The following CPS1 variants were observed in gnomAD, a reference collection of about 807,000 sequenced individuals.
CPS1 encodes the protein carbamoyl-phosphate synthase 1, also known as carbamoyl-phosphate synthase [ammonia], mitochondrial.
In CPS1, 109 loss-of-function variants were observed where a neutral mutation model predicts 174.6. The ratio of observed to expected loss-of-function variants is 0.62; its 90% confidence interval spans 0.53 to 0.73. The LOEUF is 0.73. Ranked by LOEUF, CPS1 falls within the 30% of genes least tolerant of loss-of-function variation. The probability of loss-of-function intolerance (pLI) is 0.00; values close to 1 mark genes in which losing one functional copy is unlikely to be tolerated. For synonymous variants in CPS1, 637 were observed against 632.0 expected (o/e 1.01, Z -0.12); for missense variants, 1,689 against 1,821.9 (o/e 0.93, Z 1.33).
chr2:210,583,203 G>A (rs532670438), intron 6 of CPS1, among the ~76,000 whole-genome samples: 20 of 152,190 alleles, frequency 1.3e-4, no homozygotes, highest in African/African-American at 4.8e-4. Context: ...TGTTCGTAAC[G>A]ATGACTGAGT....
chr2:210,594,864 T>C (rs1375936018), intron 12 of CPS1, among the ~76,000 whole-genome samples: 4 of 151,964 alleles, frequency 2.6e-5, no homozygotes, highest in Admixed American at 2.6e-4. Context: ...TAACAAAGAA[T>C]AGTGTTTAGT....
intron 1 of CPS1, among the ~76,000 whole-genome samples, chr2:210,526,343 G>A (rs1209714312): frequency 6.6e-6 from 1 of 150,818 alleles, no homozygotes; most frequent in Non-Finnish European, 1.5e-5. Context: ...TAACAAACCT[G>A]CACATTCTGT....
intron 5 of CPS1, among the ~76,000 whole-genome samples, chr2:210,582,412 T>C (rs937183760): frequency 1.3e-5 from 2 of 152,166 alleles, no homozygotes; most frequent in African/African-American, 4.8e-5. Flanking sequence ...AAGAACTAAT[T>C]GTATTTCCAA....
In CPS1 at chr2:210,579,776, A is replaced by G. The variant is rs1407589727; in HGVS notation, c.528+6A>G. 6.2e-7 allele frequency: 1 copy of G among 1,609,846 alleles called. No homozygotes were observed. The highest frequency in any genetic ancestry group is 1.1e-5 in the South Asian group (1 of 91,016). On this transcript the variant is annotated splice_donor_region_variant and intron_variant, in intron 5 of 37. Transcript: ENST00000233072. ...CTAAAATAATTCGGGATAAGGTATA[A>G]TCATCATCTTTAGCCAAATCTATGT...
At position 210,576,588 on chromosome 2, in the gene CPS1, G is replaced by A. The variant is rs183234709; in HGVS notation, c.381+98G>A. On this transcript the variant is annotated intron_variant, in intron 3 of 37. Coordinates refer to ENST00000233072, the MANE Select transcript of CPS1 (RefSeq NM_001875.5). The stretch of plus-strand genomic sequence containing the variant: ...ATGGCCAAACTTTCTTCCTCAATAC[G>A]GTAGTACAAATCATTAAGCTCATGT... 2,264 of 1,261,504 alleles carry A rather than the reference G, an allele frequency of 1.8e-3. 5 individuals carry two copies. Among genetic ancestry groups the A allele is most frequent in the Non-Finnish European group, 2.3e-3 (1,973 of 861,424 alleles). The allele number at this position is 1,261,504 out of a possible 1,614,324, so 78.1% of individuals were successfully genotyped here.
rs1698750382 is a variant in CPS1, at chr2:210,602,216, G to A, written c.1722G>A (p.Leu574=). The part of the protein sequence containing the change: ...SFAVESIEDA[L]KAADTIGYPV... ...CTTGTTGACAGATTGAGGATGCACT[G>A]AAGGCAGCAGACACCATTGGCTACC... is the stretch of plus-strand genomic sequence containing the variant. The change falls in exon 16 of 38, where the codon CTG becomes CTA. Residue 574 remains leucine, a synonymous_variant. Transcript: ENST00000233072. 6.2e-7 allele frequency: 1 copy of A among 1,612,238 alleles called. No individual in the cohort carries two copies. Among genetic ancestry groups the A allele is most frequent in the Non-Finnish European group, 8.5e-7 (1 of 1,179,034 alleles).
At chr2:210,590,589 A>G (rs919021489) in intron 8 of CPS1, among the ~76,000 whole-genome samples, 1 of 152,046 alleles carries the variant, frequency 6.6e-6, no homozygotes, top group African/African-American at 2.4e-5. Context: ...GAAATATTAA[A>G]TTAGATTTAG....
chr2:210,621,585 C>T (rs1048289440), intron 21 of CPS1, among the ~76,000 whole-genome samples: 9 of 152,160 alleles, frequency 5.9e-5, no homozygotes, highest in South Asian at 4.1e-4. Flanking sequence ...ATCCTTACTC[C>T]GATCTGTAAG....
At chr2:210,498,308 T>C (rs992723126) in intron 1 of CPS1, among the ~76,000 whole-genome samples, 16 of 152,140 alleles carry the variant, frequency 1.1e-4, no homozygotes, top group African/African-American at 3.6e-4. Flanking sequence ...CTGGTTTGTG[T>C]CATCTATTAT....
At chr2:210,578,611 C>T (rs1697792009) in intron 4 of CPS1, among the ~76,000 whole-genome samples, 1 of 152,012 alleles carries the variant, frequency 6.6e-6, no homozygotes, top group African/African-American at 2.4e-5. Flanking sequence ...TCTATGGGGG[C>T]TAAACATTGC....
chr2:210,632,937 T>C (rs1442694409), intron 21 of CPS1, among the ~76,000 whole-genome samples: 4 of 152,248 alleles, frequency 2.6e-5, no homozygotes, highest in Admixed American at 1.3e-4. Context: ...TATTCTGTTA[T>C]TGATCTAGTT....
chr2:210,640,033 T>A lies in CPS1; in HGVS notation c.2933T>A (p.Val978Glu). ...AATTTTGATGACCATGGAATGATGGTGCTAGGCTGTGGTCCATATCACATT... is the reference window on the plus strand; with the variant it reads ...AATTTTGATGACCATGGAATGATGGAGCTAGGCTGTGGTCCATATCACATT... ...DVNFDDHGMM[V>E]LGCGPYHIGS... is the part of the protein sequence containing the mutation. Residue 978 changes from valine to glutamate, a missense_variant, in exon 24 of 38, where the codon GTG becomes GAG. Transcript: ENST00000233072. 2 of 1,610,924 alleles carry A rather than the reference T, an allele frequency of 1.2e-6. No individual in the cohort carries two copies. The highest frequency in any genetic ancestry group is 1.7e-6 in the Non-Finnish European group (2 of 1,177,584).
chr2:210,548,716 T>C (rs974440764), intron 1 of CPS1, among the ~76,000 whole-genome samples: 1 of 151,914 alleles, frequency 6.6e-6, no homozygotes, highest in African/African-American at 2.4e-5. Context: ...TCACTAATCT[T>C]CTCCAACAAA....
rs1361754739 is a variant in CPS1, at chr2:210,526,533, T to C, written c.4-30186T>C. Among the ~76,000 whole-genome samples, 9 of 151,926 alleles carry C rather than the reference T, an allele frequency of 5.9e-5. No individual in the cohort carries two copies. In the East Asian group the frequency reaches 1.5e-3, roughly 26 times the overall value. On this transcript the variant is annotated intron_variant, in intron 1 of 38. Coordinates refer to the CPS1 transcript ENST00000430249. ...TGGTAATATGTCCGTTTTAACATAT[T>C]GAAAGGACTAAATGGATTTATGAAT...
chr2:210,567,071 T>C (rs1697327699), intron 1 of CPS1, among the ~76,000 whole-genome samples: 1 of 152,144 alleles, frequency 6.6e-6, no homozygotes, highest in Non-Finnish European at 1.5e-5. Context: ...TAATAGGTTA[T>C]CAGTAAAGTA....
intron 25 of CPS1, among the ~76,000 whole-genome samples, chr2:210,643,751 C>T (rs1302385793): frequency 6.6e-6 from 1 of 152,036 alleles, no homozygotes; most frequent in African/African-American, 2.4e-5. Context: ...GCCTACTAAT[C>T]CTTTAATAAA....
chr2:210,636,515 A>G (rs1277842736), intron 21 of CPS1, among the ~76,000 whole-genome samples: 1 of 152,008 alleles, frequency 6.6e-6, no homozygotes, highest in East Asian at 1.9e-4. Flanking sequence ...ATAATGTGGT[A>G]GATTTGGGGA....
intron 33 of CPS1, among the ~76,000 whole-genome samples, chr2:210,665,722 T>C (rs1701074951): frequency 2.0e-5 from 3 of 150,978 alleles, no homozygotes; most frequent in Non-Finnish European, 4.4e-5. Flanking sequence ...ATCCAGTCTA[T>C]CATTGTTGGA....
At chr2:210,559,300 A>G (rs968435693) in intron 1 of CPS1, among the ~76,000 whole-genome samples, 1 of 152,044 alleles carries the variant, frequency 6.6e-6, no homozygotes, top group Non-Finnish European at 1.5e-5. Context: ...TCACATCTAT[A>G]ATCATTGCCC....
Sources: gnomAD v4.1 joint callset for allele counts (sites outside exome capture counted in the v4.1 genomes callset) on GRCh38, gnomAD v4.1.1 for gene constraint, MANE v1.5 for transcripts, NCBI Gene and HGNC (gene_info 2026-07-23, HGNC 2026-07-21) for gene names.